ORAI3: variants seen among roughly 807,000 people sequenced by gnomAD.
The protein encoded by ORAI3 is ORAI calcium release-activated calcium modulator 3.
A neutral mutation model predicts 17.2 loss-of-function variants in ORAI3; 15 were observed. That is an observed-to-expected ratio of 0.87 (90% CI 0.58 to 1.34). The LOEUF (loss-of-function observed/expected upper bound fraction) is 1.34. Ranked by LOEUF, ORAI3 falls within the 40% of genes most tolerant of loss-of-function variation. The pLI is 0.00. For synonymous variants in ORAI3, 178 were observed against 172.4 expected (o/e 1.03, Z -0.25); for missense variants, 405 against 396.7 (o/e 1.02, Z -0.18).
chr16:30,950,629 A>G (rs2055920654), intron 1 of ORAI3, among the ~76,000 whole-genome samples: 1 of 152,150 alleles, frequency 6.6e-6, no homozygotes, highest in African/African-American at 2.4e-5. Flanking sequence ...TCTGTGCCAC[A>G]ACCTCCATAT....
chr16:30,951,239 T>C (rs2055923578), intron 1 of ORAI3, among the ~76,000 whole-genome samples: 2 of 152,204 alleles, frequency 1.3e-5, no homozygotes, highest in Non-Finnish European at 2.9e-5. Flanking sequence ...TCAGGTGGCC[T>C]AAGTTAGAAT....
chr16:30,949,678 T>G, intron 1 of ORAI3, 161 bp downstream of exon 1: 3 of 637,442 alleles, frequency 4.7e-6, no homozygotes, highest in Middle Eastern at 2.5e-4. Flanking sequence ...AGTCCCTTCT[T>G]ACGGATGTGT....
At chr16:30,949,658 G>A (rs1320174372) in intron 1 of ORAI3, 141 bp downstream of exon 1, 12 of 706,262 alleles carry the variant, frequency 1.7e-5, no homozygotes, top group South Asian at 3.6e-5. Flanking sequence ...AGGTCCCGCG[G>A]GACTGAGCAA....
Position 30,954,228 on chromosome 16 carries a change from AT to A in ORAI3, c.*399del, listed in dbSNP as rs397854749. ...CAGAAGGCAGCCAATTGTTGGTTTA[AT>A]TTTTTTTTTTTTTTGAGACAGTCTG... On this transcript the variant is annotated 3_prime_UTR_variant, in exon 2 of 2. Coordinates refer to ENST00000318663, the MANE Select transcript of ORAI3 (RefSeq NM_152288.3). The A allele has an allele frequency of 0.12, 62,255 of 519,264 alleles. 3 individuals are homozygous for A. Among genetic ancestry groups the A allele is most frequent in the South Asian group, 0.15 (6,493 of 43,806 alleles). 32.2% of individuals were successfully genotyped at this position (519,264 alleles called of 1,614,324 possible).
At chr16:30,953,109 TG>T (rs2055931908) in intron 1 of ORAI3, 75 bp from the exon 2 acceptor site, 1 of 1,353,880 alleles carries the variant, frequency 7.4e-7, no homozygotes, top group African/African-American at 1.5e-5. Flanking sequence ...GTATCAGTGA[TG>T]TATCCCGATA....
rs761919320 is a variant in ORAI3 at position 30,954,406 on chromosome 16, C to T, written c.*562C>T. ...CACCCGACTAATTTTTTTGTAGAGA[C>T]GGGGTTTCGCTGTTCCCAGGCTGGT... is the stretch of plus-strand genomic sequence containing the variant. On this transcript the variant is annotated 3_prime_UTR_variant, in exon 2 of 2. Transcript: ENST00000318663. 3.5e-5 allele frequency: 12 copies of T among 339,304 alleles called. No individual in the cohort carries two copies. The highest frequency in any genetic ancestry group is 9.1e-5 in the Admixed American group (2 of 21,988). 21.0% of individuals were successfully genotyped at this position (339,304 alleles called of 1,614,324 possible).
At chr16:30,950,979 C>T (rs978439792) in intron 1 of ORAI3, among the ~76,000 whole-genome samples, 25 of 152,236 alleles carry the variant, frequency 1.6e-4, no homozygotes, top group African/African-American at 5.5e-4. Flanking sequence ...CAGGACTGGC[C>T]GCAGTCCTAG....
At position 30,953,446 on chromosome 16, in the gene ORAI3, G is replaced by C; in HGVS notation, c.490G>C (p.Ala164Pro). ...STALGTFLFL[A>P]EVVLVGWVKF... is the part of the protein sequence containing the mutation. ...TGCCCTGGGCACCTTTCTCTTCCTTGCTGAAGTTGTCCTGGTTGGTTGGGT... is the reference window on the plus strand; with the variant it reads ...TGCCCTGGGCACCTTTCTCTTCCTTCCTGAAGTTGTCCTGGTTGGTTGGGT... Residue 164 changes from alanine (A) to proline (P), a missense_variant, in exon 2 of 2, where the codon GCT becomes CCT. Transcript: ENST00000318663. The C allele has an allele frequency of 6.2e-7, 1 of 1,614,250 alleles. No homozygotes were observed. The highest frequency in any genetic ancestry group is 1.3e-5 in the African/African-American group (1 of 75,070).
intron 1 of ORAI3, among the ~76,000 whole-genome samples, chr16:30,952,844 T>G (rs1163139130): frequency 6.6e-6 from 1 of 152,004 alleles, no homozygotes; most frequent in Non-Finnish European, 1.5e-5. Flanking sequence ...TTTTGTACTT[T>G]TAGTAGAGAC....
In ORAI3 at chr16:30,954,429, G is replaced by T; in HGVS notation, c.*585G>T. On this transcript the variant is annotated 3_prime_UTR_variant, in exon 2 of 2. Coordinates refer to ENST00000318663, the MANE Select transcript of ORAI3 (RefSeq NM_152288.3). ...GACGGGGTTTCGCTGTTCCCAGGCT[G>T]GTCTCAAACTCCTGGGCTCAAGTGA... 1 of 287,092 alleles carries T rather than the reference G, an allele frequency of 3.5e-6. No individual in the cohort carries two copies. Among genetic ancestry groups the T allele is most frequent in the East Asian group, 7.6e-5 (1 of 13,146 alleles). The allele number at this position is 287,092 out of a possible 1,614,324, so 17.8% of individuals were successfully genotyped here. A position where few individuals can be genotyped will look rare whatever the true frequency, so the allele number is the denominator to read the frequency against.
rs532970379 is a variant in ORAI3, at chr16:30,954,337, C to G, written c.*493C>G. 280 of 561,156 alleles carry G rather than the reference C, an allele frequency of 5.0e-4. No individual in the cohort carries two copies. In the African/African-American group the frequency reaches 5.0e-3, roughly 10 times the overall value. The allele number at this position is 561,156 out of a possible 1,614,324, so 34.8% of individuals were successfully genotyped here. A position where few individuals can be genotyped will look rare whatever the true frequency, so the allele number is the denominator to read the frequency against. ...GGCTCAAAAGATGCTCCCACCACAG[C>G]CTCCCAGGTAGTGAGTAGCTGGTAC... is the stretch of plus-strand genomic sequence containing the variant. On this transcript the variant is annotated 3_prime_UTR_variant, in exon 2 of 2. Coordinates refer to ENST00000318663, the MANE Select transcript of ORAI3 (RefSeq NM_152288.3).
In ORAI3 at chr16:30,954,295, G is replaced by A. The variant is rs1459759748; in HGVS notation, c.*451G>A. ...TGTAGTGATACAGTCACAGCTCACT[G>A]TAGCCTCGACCTTCCAGGCTCAAAA... On this transcript the variant is annotated 3_prime_UTR_variant, in exon 2 of 2. Transcript: ENST00000318663. The A allele has an allele frequency of 1.7e-6, 1 of 593,026 alleles. No homozygotes were observed. The highest frequency in any genetic ancestry group is 3.0e-6 in the Non-Finnish European group (1 of 333,632). The allele number at this position is 593,026 out of a possible 1,614,324, so 36.7% of individuals were successfully genotyped here.
At chr16:30,949,665 G>A (rs892086957) in intron 1 of ORAI3, 148 bp downstream of exon 1, 4 of 676,846 alleles carry the variant, frequency 5.9e-6, no homozygotes, top group Non-Finnish European at 9.8e-6. Context: ...GCGGGACTGA[G>A]CAAGTCCCTT....
In ORAI3 at chr16:30,953,630, C is replaced by G. The variant is rs1363849619; in HGVS notation, c.674C>G (p.Ala225Gly). The change falls in exon 2 of 2, where the codon GCC (alanine) becomes GGC (glycine). Residue 225 changes from alanine to glycine, a missense_variant. Transcript: ENST00000318663. ...ASAAPSQAEP[A>G]CPPRQACGGG... is the part of the protein sequence containing the mutation. The stretch of plus-strand genomic sequence containing the variant: ...GCAGCACCGTCCCAAGCTGAGCCAG[C>G]CTGCCCACCCCGGCAAGCCTGTGGT... 5.6e-6 allele frequency: 9 copies of G among 1,613,718 alleles called. No individual in the cohort carries two copies. The Admixed American group carries it at 1.5e-4, about 27-fold the overall frequency.
rs530116858 is a variant in ORAI3, at chr16:30,949,283, C to T, written c.-7C>T. The T allele has an allele frequency of 9.6e-5, 134 of 1,400,652 alleles. No homozygotes were observed. The highest frequency in any genetic ancestry group is 1.4e-4 in the South Asian group (9 of 64,026). 86.8% of individuals were successfully genotyped at this position (1,400,652 alleles called of 1,614,324 possible). A position where few individuals can be genotyped will look rare whatever the true frequency, so the allele number is the denominator to read the frequency against. On this transcript the variant is annotated 5_prime_UTR_variant, in exon 1 of 2. Coordinates refer to ENST00000318663, the MANE Select transcript of ORAI3 (RefSeq NM_152288.3). Reference sequence around the variant, plus strand: ...TAGTGACCGCCTGGTGCCGCCCCCCCCCCAGGATGAAGGGCGGCGAGGGGG... The same window carrying T: ...TAGTGACCGCCTGGTGCCGCCCCCCTCCCAGGATGAAGGGCGGCGAGGGGG...
chr16:30,949,564 G>A, intron 1 of ORAI3, 47 bp downstream of exon 1: 1 of 669,266 alleles, frequency 1.5e-6, no homozygotes, highest in Admixed American at 3.5e-5. Flanking sequence ...AGCAAGTGGG[G>A]GGCACAGGTC....
At chr16:30,952,756 C>T (rs886732693) in intron 1 of ORAI3, among the ~76,000 whole-genome samples, 1 of 152,094 alleles carries the variant, frequency 6.6e-6, no homozygotes, top group African/African-American at 2.4e-5. Flanking sequence ...ACTTCTGCCT[C>T]CTGGGTTCAA....
At position 30,949,326 on chromosome 16, in the gene ORAI3, C is replaced by A; in HGVS notation, c.37C>A (p.Pro13Thr). The A allele has an allele frequency of 6.8e-7, 1 of 1,474,344 alleles. No homozygotes were observed. 91.3% of individuals were successfully genotyped at this position (1,474,344 alleles called of 1,614,324 possible). The change falls in exon 1 of 2, where the codon CCG becomes ACG. Residue 13 changes from proline to threonine, a missense_variant. Coordinates refer to ENST00000318663, the MANE Select transcript of ORAI3 (RefSeq NM_152288.3). ...CGAGGGGGACGCGGGCGAGCAGGCC[C>A]CGCTGAACCCTGAGGGCGAGAGCCC... ...GGEGDAGEQA[P>T]LNPEGESPAG...
Position 30,953,560 on chromosome 16 carries a change from ACCTC to A in ORAI3, c.608_611del (p.Ser203LeufsTer79). On this transcript the variant is annotated frameshift_variant, in exon 2 of 2. Transcript: ENST00000318663. LOFTEE classifies it high-confidence loss of function. ...GCCCGGGACTCTGGCACCAGTGGCTACCTCCCTTAGTCCAGCTTCCAATCTCCCA... is the reference window on the plus strand; with the variant it reads ...GCCCGGGACTCTGGCACCAGTGGCTACCTTAGTCCAGCTTCCAATCTCCCA... 1 of 1,613,824 alleles carries A rather than the reference ACCTC, an allele frequency of 6.2e-7. No homozygotes were observed. Among genetic ancestry groups the A allele is most frequent in the South Asian group, 1.1e-5 (1 of 91,068 alleles).
Sources: allele counts gnomAD v4.1 joint callset (sites outside exome capture counted in the v4.1 genomes callset), GRCh38; gene constraint gnomAD v4.1.1; transcripts MANE v1.5; gene names NCBI Gene and HGNC (gene_info 2026-07-23, HGNC 2026-07-21).